CLMN: variants seen among roughly 807,000 people sequenced by gnomAD.
The protein encoded by CLMN is calmin (calponin-like, transmembrane).
CLMN carries 57 observed loss-of-function variants against 92.7 expected under a neutral mutation model. The ratio of observed to expected loss-of-function variants is 0.61; its 90% CI spans 0.50 to 0.77. The LOEUF (loss-of-function observed/expected upper bound fraction) is 0.77. CLMN is among the 30% of genes least tolerant of loss of function. CLMN has a pLI of 0.00. For synonymous variants in CLMN, 466 were observed against 470.6 expected (o/e 0.99, Z 0.13); for missense variants, 1,158 against 1,237.5 (o/e 0.94, Z 0.96).
At chr14:95,222,973 G>C (rs980655325) in intron 3 of CLMN, among the ~76,000 whole-genome samples, 1 of 152,160 alleles carries the variant, frequency 6.6e-6, no homozygotes, top group East Asian at 1.9e-4. Context: ...GTTTTAGTTA[G>C]GCACAATGGG....
chr14:95,204,466 G>T lies in CLMN; in HGVS notation c.886-3C>A. The T allele has an allele frequency of 6.9e-7, 1 of 1,444,218 alleles. No homozygotes were observed. Among genetic ancestry groups the T allele is most frequent in the Non-Finnish European group, 9.1e-7 (1 of 1,100,936 alleles). The allele number at this position is 1,444,218 out of a possible 1,614,324, so 89.5% of individuals were successfully genotyped here. ...TTATCTGAATCGAAAATATCTTCCT[G>T]CAAAAAAAAACAAAAACAAACAAAC... is the stretch of plus-strand genomic sequence containing the variant. On this transcript the variant is annotated splice_region_variant and splice_polypyrimidine_tract_variant and intron_variant, in intron 8 of 12. Transcript: ENST00000298912.
chr14:95,268,206 G>A (rs1899553071), intron 1 of CLMN, among the ~76,000 whole-genome samples: 1 of 152,034 alleles, frequency 6.6e-6, no homozygotes, highest in South Asian at 2.1e-4. Context: ...TTGAGGTGAT[G>A]GATACCCCAA....
At chr14:95,303,278 G>A (rs374253613) in intron 1 of CLMN, among the ~76,000 whole-genome samples, 13 of 152,188 alleles carry the variant, frequency 8.5e-5, no homozygotes, top group South Asian at 4.1e-4. Flanking sequence ...TTCCCTCAGC[G>A]GTGTGGCTTT....
intron 1 of CLMN, among the ~76,000 whole-genome samples, chr14:95,297,813 A>G (rs1244768966): frequency 3.0e-4 from 4 of 13,254 alleles, no homozygotes; most frequent in Non-Finnish European, 5.6e-4. Context: ...TATGGCAGGC[A>G]CACACACACA....
chr14:95,218,667 G>A (rs749951605), intron 4 of CLMN, among the ~76,000 whole-genome samples: 5 of 152,210 alleles, frequency 3.3e-5, no homozygotes, highest in African/African-American at 7.2e-5. Context: ...TGAAACGCTC[G>A]TTTCCACCTG....
chr14:95,191,239 G>T lies in CLMN; in HGVS notation c.*325C>A. ...AGCGTGTGAACCTGCAATGTGGGGTGTGCTAAGATCCAGGCGGGCTAATGA... is the reference window on the plus strand; with the variant it reads ...AGCGTGTGAACCTGCAATGTGGGGTTTGCTAAGATCCAGGCGGGCTAATGA... On this transcript the variant is annotated 3_prime_UTR_variant, in exon 13 of 13. Coordinates refer to ENST00000298912, the MANE Select transcript of CLMN (RefSeq NM_024734.4). This position sits in a 1 kb window ranked among gnomAD's most constrained non-coding sequence, Gnocchi z 5.3. The T allele has an allele frequency of 5.6e-6, 1 of 178,488 alleles. No individual in the cohort carries two copies. The highest frequency in any genetic ancestry group is 1.4e-4 in the East Asian group (1 of 6,954). 11.1% of individuals were successfully genotyped at this position (178,488 alleles called of 1,614,324 possible). A position where few individuals can be genotyped will look rare whatever the true frequency, so the allele number is the denominator to read the frequency against.
chr14:95,299,125 A>G (rs990101145), intron 1 of CLMN, among the ~76,000 whole-genome samples: 3 of 152,212 alleles, frequency 2.0e-5, no homozygotes, highest in African/African-American at 7.2e-5. Context: ...CTGCCCTGTT[A>G]GCACATGGTC....
intron 1 of CLMN, among the ~76,000 whole-genome samples, chr14:95,234,376 AC>A (rs948091953): frequency 4.0e-5 from 6 of 151,806 alleles, no homozygotes; most frequent in East Asian, 3.9e-4. Flanking sequence ...TGAGACGCCC[AC>A]CCCCCATCCT....
rs564624744 is a variant in CLMN at position 95,275,570 on chromosome 14, C to T, written c.82+44141G>A. Among the ~76,000 whole-genome samples the T allele has an allele frequency of 1.9e-4, 29 of 152,348 alleles. No homozygotes were observed. In the South Asian group the frequency reaches 2.1e-3, roughly 11 times the overall value. On this transcript the variant is annotated intron_variant, in intron 1 of 12. Coordinates refer to ENST00000298912, the MANE Select transcript of CLMN (RefSeq NM_024734.4). ...TTCCTGAAAACTCATAAATAATCCA[C>T]GCCTTCTTTAGCATATAATCAAGAA...
intron 1 of CLMN, among the ~76,000 whole-genome samples, chr14:95,305,277 C>T (rs1040227138): frequency 6.6e-6 from 1 of 152,160 alleles, no homozygotes; most frequent in African/African-American, 2.4e-5. Context: ...AGCTAGTAAG[C>T]GGCAGAGCCA....
chr14:95,265,416 CA>C (rs1428678452), intron 1 of CLMN, among the ~76,000 whole-genome samples: 11 of 152,224 alleles, frequency 7.2e-5, no homozygotes, highest in African/African-American at 2.7e-4. Flanking sequence ...CTTGCGTCTC[CA>C]GCCTGCTGAC....
chr14:95,205,440 G>C (rs962332716), intron 8 of CLMN, among the ~76,000 whole-genome samples: 2 of 152,094 alleles, frequency 1.3e-5, no homozygotes, highest in East Asian at 1.9e-4. Context: ...CAATACAAAA[G>C]AAATAGTTCT....
intron 1 of CLMN, among the ~76,000 whole-genome samples, chr14:95,269,629 G>A (rs553437060): frequency 8.7e-4 from 133 of 152,308 alleles, no homozygotes; most frequent in African/African-American, 3.2e-3. Flanking sequence ...CATAGGCTCT[G>A]CCAACCTGAA....
At position 95,295,490 on chromosome 14, in the gene CLMN, G is replaced by A. The variant is rs180839892; in HGVS notation, c.82+24221C>T. Among the ~76,000 whole-genome samples the A allele has an allele frequency of 3.5e-3, 530 of 152,302 alleles. 4 individuals carry two copies. Among genetic ancestry groups the A allele is most frequent in the African/African-American group, 0.012 (486 of 41,562 alleles). ...TGGCTGCTGCACAGGGGATACGTAC[G>A]GTAAGAGCTGAGAATGGCAAGAAGA... is the stretch of plus-strand genomic sequence containing the variant. On this transcript the variant is annotated intron_variant, in intron 1 of 12. Coordinates refer to ENST00000298912, the MANE Select transcript of CLMN (RefSeq NM_024734.4).
intron 1 of CLMN, among the ~76,000 whole-genome samples, chr14:95,302,605 A>G (rs1371792445): frequency 6.6e-6 from 1 of 152,302 alleles, no homozygotes; most frequent in East Asian, 1.9e-4. Context: ...AAGCAAACAC[A>G]TTCCTCTTTT....
chr14:95,248,794 T>TG (rs1332877260), intron 1 of CLMN, among the ~76,000 whole-genome samples: 2 of 152,082 alleles, frequency 1.3e-5, no homozygotes, highest in East Asian at 1.9e-4. Flanking sequence ...AAGCCTGCAG[T>TG]GGGGGGAACT....
At position 95,194,518 on chromosome 14, in the gene CLMN, A is replaced by T. The variant is rs759792211; in HGVS notation, c.2769+18T>A. The T allele has an allele frequency of 3.1e-6, 5 of 1,614,198 alleles. No individual in the cohort carries two copies. In the South Asian group the frequency reaches 5.5e-5, roughly 18 times the overall value. Reference sequence around the variant, plus strand: ...TTAGCAGGGGCCGTGCGGAAAGAGAAGAAATTCACATACTAACCGATTCCG... The same window carrying T: ...TTAGCAGGGGCCGTGCGGAAAGAGATGAAATTCACATACTAACCGATTCCG... On this transcript the variant is annotated intron_variant, in intron 11 of 12. Transcript: ENST00000298912. The surrounding 1 kb of genome is among the most constrained non-coding windows in gnomAD (Gnocchi z 4.0).
intron 1 of CLMN, among the ~76,000 whole-genome samples, chr14:95,232,611 G>C (rs1282714083): frequency 6.6e-6 from 1 of 152,194 alleles, no homozygotes; most frequent in Non-Finnish European, 1.5e-5. Flanking sequence ...AAGAATTAAA[G>C]AACGAATTCC....
rs779656501 is a variant in CLMN, at chr14:95,203,387, C to T, written c.1962G>A (p.Lys654=). The change falls in exon 9 of 13, where the codon AAG becomes AAA. Residue 654 remains lysine, a synonymous_variant. Transcript: ENST00000298912. ...TCTTGGCCTTTTCATGCACCTCTGG[C>T]TTTTTATCCACTGGTGTCTCTTCTG... ...SAPEETPVDK[K]PEVHEKAKRK... 3 of 1,613,996 alleles carry T rather than the reference C, an allele frequency of 1.9e-6. No homozygotes were observed. The highest frequency in any genetic ancestry group is 1.7e-6 in the Non-Finnish European group (2 of 1,180,020).
Sources: gnomAD v4.1 joint callset for allele counts (sites outside exome capture counted in the v4.1 genomes callset) on GRCh38, gnomAD v4.1.1 for gene constraint, Gnocchi (gnomAD v3.1) non-coding constraint, MANE v1.5 for transcripts, NCBI Gene and HGNC (gene_info 2026-07-23, HGNC 2026-07-21) for gene names.